The following NSMAF variants were observed in gnomAD, a reference collection of about 807,000 sequenced individuals.
NSMAF encodes the protein protein FAN.
Under a neutral mutation model 134.9 loss-of-function variants are expected in NSMAF, and 90 were observed. The ratio of observed to expected loss-of-function variants is 0.67; its 90% CI spans 0.56 to 0.79. NSMAF has a LOEUF of 0.79. Among genes scored for constraint, NSMAF ranks in the 30% least tolerant of loss-of-function variants. NSMAF has a pLI of 0.00. For synonymous variants in NSMAF, 358 were observed against 389.6 expected (o/e 0.92, Z 0.96); for missense variants, 1,010 against 1,119.0 (o/e 0.90, Z 1.39).
intron 1 of NSMAF, among the ~76,000 whole-genome samples, chr8:58,651,940 A>G (rs1807593994): frequency 6.6e-6 from 1 of 152,182 alleles, no homozygotes; most frequent in African/African-American, 2.4e-5. Context: ...TCTACATAAA[A>G]CAGGCTTCAT....
At chr8:58,651,631 T>TA (rs1259108158) in intron 1 of NSMAF, among the ~76,000 whole-genome samples, 1 of 152,236 alleles carries the variant, frequency 6.6e-6, no homozygotes, top group African/African-American at 2.4e-5. Flanking sequence ...TCAAGTGTCA[T>TA]ACTGCAGGGC....
intron 1 of NSMAF, among the ~76,000 whole-genome samples, chr8:58,655,703 C>T (rs1167439520): frequency 3.3e-5 from 5 of 151,956 alleles, no homozygotes; most frequent in South Asian, 4.2e-4. Context: ...GACAGGAGAT[C>T]GAGACCATCC....
At chr8:58,595,839 TAGAG>T (rs1806126578) in intron 21 of NSMAF, 180 bp from the exon 22 acceptor site, 2 of 528,814 alleles carry the variant, frequency 3.8e-6, no homozygotes, top group East Asian at 3.1e-5. Flanking sequence ...AAAAATTGTA[TAGAG>T]AAAGATAAAA....
chr8:58,645,953 A>T (rs1472254586), intron 1 of NSMAF, among the ~76,000 whole-genome samples: 1 of 152,196 alleles, frequency 6.6e-6, no homozygotes, highest in African/African-American at 2.4e-5. Context: ...AGGCAGGAGA[A>T]TTGCTTGAAC....
intron 9 of NSMAF, among the ~76,000 whole-genome samples, chr8:58,620,137 C>T (rs1399939064): frequency 6.6e-6 from 1 of 152,050 alleles, no homozygotes; most frequent in Non-Finnish European, 1.5e-5. Context: ...ATGAAAAAAC[C>T]ATTAGAACAG....
chr8:58,635,107 A>G, intron 5 of NSMAF, 82 bp downstream of exon 5: 2 of 1,022,760 alleles, frequency 2.0e-6, no homozygotes, highest in East Asian at 2.4e-5. Context: ...TCTTCATCTG[A>G]TATCTCTACA....
At chr8:58,649,468 A>G (rs937520217) in intron 1 of NSMAF, among the ~76,000 whole-genome samples, 2 of 152,216 alleles carry the variant, frequency 1.3e-5, no homozygotes, top group African/African-American at 4.8e-5. Context: ...CAATGTAAGA[A>G]GAACATGAGA....
chr8:58,589,092 C>T (rs1294942592), intron 26 of NSMAF, among the ~76,000 whole-genome samples: 4 of 149,864 alleles, frequency 2.7e-5, no homozygotes, highest in African/African-American at 9.8e-5. Context: ...GTACATATCA[C>T]AAAGTATGTG....
chr8:58,627,243 G>A (rs1262330301), intron 6 of NSMAF, among the ~76,000 whole-genome samples: 1 of 151,994 alleles, frequency 6.6e-6, no homozygotes, highest in Non-Finnish European at 1.5e-5. Flanking sequence ...TTTTGTTTTT[G>A]TTGCATTTGC....
chr8:58,611,866 G>C (rs559857989), intron 9 of NSMAF, among the ~76,000 whole-genome samples: 26 of 152,260 alleles, frequency 1.7e-4, no homozygotes, highest in Admixed American at 3.9e-4. Context: ...AGAGGAAATG[G>C]AGAAGAGAAT....
intron 9 of NSMAF, among the ~76,000 whole-genome samples, chr8:58,615,159 T>C (rs996139771): frequency 6.6e-5 from 10 of 152,220 alleles, no homozygotes; most frequent in African/African-American, 2.4e-4. Context: ...CGCATCTTAA[T>C]GTATATGAAT....
At chr8:58,591,092 C>G (rs1806011697) in intron 23 of NSMAF, 158 bp from the exon 24 acceptor site, 4 of 747,600 alleles carry the variant, frequency 5.4e-6, no homozygotes, top group Non-Finnish European at 7.8e-6. Context: ...GCTAGATGAC[C>G]TAAGGCCTCA....
At chr8:58,654,932 T>C (rs1202827824) in intron 1 of NSMAF, among the ~76,000 whole-genome samples, 1 of 152,096 alleles carries the variant, frequency 6.6e-6, no homozygotes, top group African/African-American at 2.4e-5. Context: ...CCTCCCAAGT[T>C]CAAGCGATTC....
chr8:58,627,646 A>G (rs1806965798), intron 6 of NSMAF, among the ~76,000 whole-genome samples: 1 of 152,250 alleles, frequency 6.6e-6, no homozygotes, highest in Non-Finnish European at 1.5e-5. Context: ...ACTTATGGTT[A>G]TACTTAACCA....
At position 58,597,918 on chromosome 8, in the gene NSMAF, A is replaced by C; in HGVS notation, c.1586-16T>G. 6.3e-7 allele frequency: 1 copy of C among 1,589,306 alleles called. No individual in the cohort carries two copies. The highest frequency in any genetic ancestry group is 1.1e-5 in the South Asian group (1 of 90,414). On this transcript the variant is annotated splice_polypyrimidine_tract_variant and intron_variant, in intron 19 of 30. Transcript: ENST00000038176. ...GGATGAAATACTGAAAAAGACATAC[A>C]AAACACTATTGAAAGATGTGCTATT...
chr8:58,591,574 T>G (rs1440273346), intron 23 of NSMAF, among the ~76,000 whole-genome samples: 2 of 142,912 alleles, frequency 1.4e-5, no homozygotes, highest in African/African-American at 2.6e-5. Flanking sequence ...GCAACTTCCA[T>G]CTCCTAGATT....
chr8:58,647,070 A>G (rs1222932121), intron 1 of NSMAF, among the ~76,000 whole-genome samples: 1 of 152,242 alleles, frequency 6.6e-6, no homozygotes, highest in East Asian at 1.9e-4. Flanking sequence ...CAGTATTTAC[A>G]GTGGATCCAG....
chr8:58,647,262 G>A (rs891114890), intron 1 of NSMAF, among the ~76,000 whole-genome samples: 4 of 152,332 alleles, frequency 2.6e-5, no homozygotes, highest in South Asian at 4.1e-4. Context: ...CACCAGCCTT[G>A]AATGAAGCTA....
intron 6 of NSMAF, among the ~76,000 whole-genome samples, chr8:58,629,971 G>A (rs917286286): frequency 6.6e-6 from 1 of 152,290 alleles, no homozygotes; most frequent in Admixed American, 6.5e-5. Flanking sequence ...AGACAGAAGA[G>A]ACAGAAGCCA....
Sources: gnomAD v4.1 joint callset for allele counts (sites outside exome capture counted in the v4.1 genomes callset) on GRCh38, gnomAD v4.1.1 for gene constraint, MANE v1.5 for transcripts, NCBI Gene and HGNC (gene_info 2026-07-23, HGNC 2026-07-21) for gene names.